Variants in ZNF469 observed in about 807,000 individuals in gnomAD.
ZNF469 encodes the protein zinc finger protein 469.
A neutral mutation model predicts 1.0 loss-of-function variants in ZNF469; 1 was observed. The observed-to-expected ratio is 1.00, with a 90% CI of 0.35 to 4.73. ZNF469 has a LOEUF of 4.73. Ranked by LOEUF, ZNF469 falls within the 30% of genes most tolerant of loss-of-function variation. ZNF469 has a pLI of 0.16. For synonymous variants in ZNF469, 2,703 were observed against 2,363.4 expected, an observed-to-expected ratio of 1.14 and a Z score of -4.17; for missense variants, 6,100 against 5,356.3, an observed-to-expected ratio of 1.14 and a Z score of -4.33.
chr16:88,407,989 T>A (rs1905062781), intron 1 of ZNF469, among the ~76,000 whole-genome samples: 1 of 152,224 alleles, frequency 6.6e-6, no homozygotes, highest in Admixed American at 6.5e-5. Flanking sequence ...CTTGCCCAGG[T>A]CATGGAAGAG....
chr16:88,349,400 C>T, the ZNF469 span, among the ~76,000 whole-genome samples: 1 of 150,750 alleles, frequency 6.6e-6, no homozygotes, highest in Non-Finnish European at 1.5e-5. Context: ...GCACACACAC[C>T]AGGCACCACA....
the ZNF469 span, among the ~76,000 whole-genome samples, chr16:88,121,218 A>G: frequency 9.1e-5 from 5 of 55,074 alleles, no homozygotes; most frequent in African/African-American, 3.5e-4. Flanking sequence ...TGTACCATGC[A>G]TGGTGAAGGG....
the ZNF469 span, among the ~76,000 whole-genome samples, chr16:88,156,459 G>A: frequency 6.6e-6 from 1 of 152,212 alleles, no homozygotes; most frequent in African/African-American, 2.4e-5. Flanking sequence ...TGGATATCCA[G>A]GTGTCCCGGC....
chr16:88,305,580 AGG>A, the ZNF469 span, among the ~76,000 whole-genome samples: 3 of 149,252 alleles, frequency 2.0e-5, no homozygotes, highest in East Asian at 6.1e-4. Flanking sequence ...ACACGCTCAC[AGG>A]CACACACGCA....
chr16:88,109,969 G>C, the ZNF469 span, among the ~76,000 whole-genome samples: 1 of 152,238 alleles, frequency 6.6e-6, no homozygotes, highest in Non-Finnish European at 1.5e-5. Context: ...AGTCAGGCTA[G>C]GTGGCCATCT....
At chr16:88,355,179 A>G in the ZNF469 span, among the ~76,000 whole-genome samples, 2 of 152,096 alleles carry the variant, frequency 1.3e-5, no homozygotes, top group South Asian at 4.2e-4. Flanking sequence ...TCAACTCTAC[A>G]ACGAGACTAT....
the ZNF469 span, among the ~76,000 whole-genome samples, chr16:88,317,221 C>T: frequency 6.6e-6 from 1 of 152,218 alleles, no homozygotes; most frequent in Non-Finnish European, 1.5e-5. Context: ...CGAAGCAGTT[C>T]CCAACTGCCT....
intron 1 of ZNF469, among the ~76,000 whole-genome samples, chr16:88,413,648 C>T (rs1019242784): frequency 1.3e-5 from 2 of 152,234 alleles, no homozygotes; most frequent in African/African-American, 2.4e-5. Context: ...CAGTCAGTCC[C>T]GCCATTGCCT....
Position 88,431,310 on chromosome 16 carries a change from G to A in ZNF469, c.3840G>A (p.Pro1280=), listed in dbSNP as rs2142304893. The A allele has an allele frequency of 5.2e-6, 8 of 1,549,886 alleles. No individual in the cohort carries two copies. The highest frequency in any genetic ancestry group is 2.7e-5 in the African/African-American group (2 of 73,172). ...PSRHDTGTPK[P]SGSLANTAPH... is the part of the protein sequence containing the mutation. Reference sequence around the variant, plus strand: ...GACATGACACCGGCACCCCCAAGCCGTCGGGAAGCCTCGCCAACACGGCGC... The same window carrying A: ...GACATGACACCGGCACCCCCAAGCCATCGGGAAGCCTCGCCAACACGGCGC... Residue 1280 remains proline, a synonymous_variant, in exon 3 of 3, where the codon CCG becomes CCA. Transcript: ENST00000565624.
chr16:88,355,890 G>A, the ZNF469 span, among the ~76,000 whole-genome samples: 2,241 of 152,226 alleles, frequency 0.015, 53 homozygotes, highest in African/African-American at 0.045. Context: ...CTCGGCGGCC[G>A]CCTCTTGGGT....
chr16:88,367,020 C>T, the ZNF469 span, among the ~76,000 whole-genome samples: 1,126 of 152,238 alleles, frequency 7.4e-3, 9 homozygotes, highest in African/African-American at 0.026. Flanking sequence ...TTCACCACCA[C>T]CACCAACATC....
chr16:88,243,934 A>ATATATG, the ZNF469 span, among the ~76,000 whole-genome samples: 1 of 103,764 alleles, frequency 9.6e-6, no homozygotes, highest in Non-Finnish European at 2.0e-5. Flanking sequence ...ATATATATAT[A>ATATATG]TATATATATA....
the ZNF469 span, among the ~76,000 whole-genome samples, chr16:88,322,527 G>A: frequency 2.6e-5 from 4 of 152,226 alleles, no homozygotes; most frequent in African/African-American, 7.2e-5. Context: ...GTATCTCATG[G>A]CTCCAGCACA....
the ZNF469 span, among the ~76,000 whole-genome samples, chr16:88,332,816 G>T: frequency 6.6e-6 from 1 of 152,230 alleles, no homozygotes; most frequent in East Asian, 1.9e-4. Context: ...CACACAAGCA[G>T]CCTCTGCAGC....
In ZNF469 at chr16:88,433,453, C is replaced by A; in HGVS notation, c.5983C>A (p.Gln1995Lys). ...LLGQAEKTQG[Q>K]GTANQLQPEN... ...TGGCCAAGCCGAGAAAACCCAGGGC[C>A]AAGGCACAGCCAACCAGCTTCAGCC... Residue 1995 changes from glutamine to lysine, a missense_variant, in exon 3 of 3, where the codon CAA (glutamine) becomes AAA (lysine). Transcript: ENST00000565624. 6.5e-7 allele frequency: 1 copy of A among 1,550,386 alleles called. No homozygotes were observed. The highest frequency in any genetic ancestry group is 8.7e-7 in the Non-Finnish European group (1 of 1,146,964).
the ZNF469 span, among the ~76,000 whole-genome samples, chr16:88,296,298 G>A: frequency 3.3e-5 from 5 of 152,340 alleles, no homozygotes; most frequent in East Asian, 1.9e-4. Flanking sequence ...CAAGGTGGGC[G>A]GAACATGAGA....
the ZNF469 span, among the ~76,000 whole-genome samples, chr16:88,107,617 G>C: frequency 6.6e-6 from 1 of 152,240 alleles, no homozygotes; most frequent in African/African-American, 2.4e-5. Flanking sequence ...CACGAGGCAA[G>C]GTCTTCCCAG....
the ZNF469 span, among the ~76,000 whole-genome samples, chr16:88,296,568 A>C: frequency 1.3e-5 from 2 of 151,236 alleles, no homozygotes; most frequent in Non-Finnish European, 2.9e-5. Context: ...TCACGTGCTC[A>C]CACACAGGTG....
chr16:88,386,059 G>A (rs2092536107), intron 1 of ZNF469, among the ~76,000 whole-genome samples: 2 of 152,294 alleles, frequency 1.3e-5, no homozygotes, highest in African/African-American at 2.4e-5. Flanking sequence ...TGCCGGTGAG[G>A]CACAAGCGGC....
Sources: gnomAD v4.1 joint callset for allele counts (sites outside exome capture counted in the v4.1 genomes callset) on GRCh38, gnomAD v4.1.1 for gene constraint, MANE v1.5 for transcripts, NCBI Gene and HGNC (gene_info 2026-07-23, HGNC 2026-07-21) for gene names.